SERGEF: variants seen among roughly 807,000 people sequenced by gnomAD.
The protein encoded by SERGEF is secretion regulating guanine nucleotide exchange factor.
A neutral mutation model predicts 50.0 loss-of-function variants in SERGEF; 51 were observed. That is an observed-to-expected ratio of 1.02 (90% CI 0.81 to 1.29). The LOEUF is 1.29. Among genes scored for constraint, SERGEF ranks in the 50% most tolerant of loss-of-function variants. The pLI, the probability that SERGEF is intolerant of heterozygous loss-of-function variation, is 0.00. For missense variants in SERGEF, 521 were observed against 557.0 expected (o/e 0.94, Z 0.65); for synonymous variants, 205 against 212.4 (o/e 0.97, Z 0.30).
chr11:17,980,535 C>A (rs1169784221), intron 8 of SERGEF, among the ~76,000 whole-genome samples: 2 of 152,190 alleles, frequency 1.3e-5, no homozygotes, highest in Non-Finnish European at 2.9e-5. Flanking sequence ...AACAAATTCA[C>A]TCATAATCCC....
chr11:17,795,476 A>G (rs1011797977), intron 10 of SERGEF, among the ~76,000 whole-genome samples: 5 of 152,066 alleles, frequency 3.3e-5, no homozygotes, highest in African/African-American at 4.8e-5. Context: ...TCAGGCAGAA[A>G]CACAGCCTGG....
intron 10 of SERGEF, among the ~76,000 whole-genome samples, chr11:17,815,431 T>C (rs1590130888): frequency 1.7e-5 from 2 of 118,256 alleles, no homozygotes; most frequent in African/African-American, 3.3e-5. Context: ...AAACCCCATC[T>C]CTACTAAAAA....
At chr11:17,881,044 T>A (rs926028414) in intron 9 of SERGEF, among the ~76,000 whole-genome samples, 8 of 152,206 alleles carry the variant, frequency 5.3e-5, no homozygotes, top group African/African-American at 1.9e-4. Context: ...CTTTGCTTAT[T>A]TGAGACATAA....
At chr11:17,859,594 C>T (rs1431203001) in intron 10 of SERGEF, among the ~76,000 whole-genome samples, 1 of 152,020 alleles carries the variant, frequency 6.6e-6, no homozygotes, top group African/African-American at 2.4e-5. Context: ...TCAATAAATA[C>T]CAGAACAATG....
At chr11:17,801,772 T>C (rs187360089) in intron 10 of SERGEF, among the ~76,000 whole-genome samples, 15 of 152,246 alleles carry the variant, frequency 9.9e-5, no homozygotes, top group African/African-American at 3.6e-4. Context: ...GAATAACAAA[T>C]TGTAGGAGCT....
intron 10 of SERGEF, chr11:17,855,265 T>C (rs1259593980): frequency 6.6e-6 from 1 of 152,202 alleles, no homozygotes; most frequent in Non-Finnish European, 1.5e-5. Context: ...ATTGGAGCCC[T>C]TGGAGGGCGA....
intron 8 of SERGEF, among the ~76,000 whole-genome samples, chr11:17,971,412 G>A (rs1047253780): frequency 1.3e-5 from 2 of 152,176 alleles, no homozygotes; most frequent in African/African-American, 4.8e-5. Flanking sequence ...GTGACTTTAA[G>A]GTGAAGCCAA....
At chr11:17,793,302 A>G (rs1200846318) in intron 10 of SERGEF, among the ~76,000 whole-genome samples, 1 of 152,232 alleles carries the variant, frequency 6.6e-6, no homozygotes, top group African/African-American at 2.4e-5. Context: ...CACTTTAAAC[A>G]AGCCTATAGG....
In SERGEF at chr11:17,798,471, A is replaced by G. The variant is rs543615413; in HGVS notation, c.1049-10058T>C. Reference sequence around the variant, plus strand: ...GGACAGGCAGAGGCCAGCCCTCCCCACCCCCAGCCCCAGGAGTAGGAGGCT... The same window carrying G: ...GGACAGGCAGAGGCCAGCCCTCCCCGCCCCCAGCCCCAGGAGTAGGAGGCT... On this transcript the variant is annotated intron_variant, in intron 10 of 10. Transcript: ENST00000265965. 6.6e-5 allele frequency among the ~76,000 whole-genome samples: 10 copies of G among 152,110 alleles called. No homozygotes were observed. In the South Asian group the frequency reaches 2.1e-3, roughly 32 times the overall value.
intron 10 of SERGEF, among the ~76,000 whole-genome samples, chr11:17,792,604 C>A (rs959910729): frequency 6.6e-5 from 10 of 152,158 alleles, no homozygotes; most frequent in African/African-American, 2.4e-4. Flanking sequence ...TGGTAAAGGC[C>A]CAGTAATATC....
intron 10 of SERGEF, among the ~76,000 whole-genome samples, chr11:17,820,096 A>T (rs1036348078): frequency 1.8e-4 from 27 of 152,092 alleles, no homozygotes; most frequent in East Asian, 1.9e-4. Flanking sequence ...CTCCTGCCTC[A>T]GCCTCCCAAA....
At chr11:17,957,927 T>C (rs1211053861) in intron 9 of SERGEF, among the ~76,000 whole-genome samples, 1 of 152,136 alleles carries the variant, frequency 6.6e-6, no homozygotes, top group Admixed American at 6.5e-5. Flanking sequence ...TAAATGCTAT[T>C]GGTACAACTT....
In SERGEF at chr11:17,947,820, ATG is replaced by A. The variant is rs773337055; in HGVS notation, c.1011+11648_1011+11649del. Among the ~76,000 whole-genome samples the A allele has an allele frequency of 4.6e-5, 7 of 152,204 alleles. 1 individual carries two copies. Among genetic ancestry groups the A allele is most frequent in the Non-Finnish European group, 5.9e-5 (4 of 68,034 alleles). On this transcript the variant is annotated intron_variant, in intron 9 of 10. Coordinates refer to ENST00000265965, the MANE Select transcript of SERGEF (RefSeq NM_012139.4). ...TAAATTATTATACTGCTTCATGGGA[ATG>A]TGTTAAGAATTAAAAGTGATGCTTA...
intron 9 of SERGEF, among the ~76,000 whole-genome samples, chr11:17,886,730 G>C (rs498205): frequency 0.39 from 58,862 of 152,006 alleles, 11,516 homozygotes; most frequent in South Asian, 0.42. Flanking sequence ...TACTGAATTA[G>C]AATATAATAT....
chr11:17,878,093 C>T, intron 10 of SERGEF, 115 bp downstream of exon 10: 2 of 737,116 alleles, frequency 2.7e-6, no homozygotes, highest in Non-Finnish European at 4.7e-6. Context: ...CCCCCAATCT[C>T]CCCTAACACA....
chr11:17,905,941 C>G (rs538718184), intron 9 of SERGEF, among the ~76,000 whole-genome samples: 9 of 152,350 alleles, frequency 5.9e-5, no homozygotes, highest in Non-Finnish European at 1.0e-4. Flanking sequence ...AGGTCTCCAG[C>G]CTTAACAAGG....
At chr11:18,000,207 G>A (rs1332408695) in intron 5 of SERGEF, among the ~76,000 whole-genome samples, 1 of 152,218 alleles carries the variant, frequency 6.6e-6, no homozygotes, top group Non-Finnish European at 1.5e-5. Flanking sequence ...CAGTACTTTG[G>A]AAGGCCAAGG....
intron 9 of SERGEF, among the ~76,000 whole-genome samples, chr11:17,916,877 T>C (rs547043134): frequency 6.3e-4 from 96 of 152,350 alleles, no homozygotes; most frequent in Middle Eastern, 3.4e-3. Flanking sequence ...GTTCTCAAAG[T>C]GTGGTCCCTA....
chr11:17,853,186 A>G (rs563324992), intron 10 of SERGEF, among the ~76,000 whole-genome samples: 46 of 151,808 alleles, frequency 3.0e-4, no homozygotes, highest in Middle Eastern at 3.4e-3. Context: ...GGTGGTTGTG[A>G]TGACTAAATA....
Sources: gnomAD v4.1 joint callset for allele counts (sites outside exome capture counted in the v4.1 genomes callset) on GRCh38, gnomAD v4.1.1 for gene constraint, MANE v1.5 for transcripts, NCBI Gene and HGNC (gene_info 2026-07-23, HGNC 2026-07-21) for gene names.